ARHGAP19: variants seen among roughly 807,000 people sequenced by gnomAD.
The protein encoded by ARHGAP19 is Rho GTPase activating protein 19.
A neutral mutation model predicts 60.9 loss-of-function variants in ARHGAP19; 48 were observed. The observed-to-expected ratio is 0.79, with a 90% confidence interval of 0.62 to 1.00. The LOEUF is 1.00. ARHGAP19 is among the 50% of genes least tolerant of loss of function. ARHGAP19 has a pLI of 0.00. For synonymous variants in ARHGAP19, 209 were observed against 215.5 expected, an observed-to-expected ratio of 0.97 and a Z score of 0.27; for missense variants, 562 against 597.2, an observed-to-expected ratio of 0.94 and a Z score of 0.61.
chr10:97,281,219 CAAAAA>C (rs56674405), intron 1 of ARHGAP19, among the ~76,000 whole-genome samples: 256 of 131,616 alleles, frequency 1.9e-3, no homozygotes, highest in Middle Eastern at 3.7e-3. Flanking sequence ...TCTGTCACTA[CAAAAA>C]AAAAAAAAAA....
intron 1 of ARHGAP19, among the ~76,000 whole-genome samples, chr10:97,266,416 A>G (rs1842899664): frequency 6.6e-6 from 1 of 152,190 alleles, no homozygotes; most frequent in Non-Finnish European, 1.5e-5. Context: ...CCCATTCGTC[A>G]TCATCTAAGT....
chr10:97,263,737 G>C, intron 3 of ARHGAP19, 108 bp from the exon 4 acceptor site: 1 of 1,149,146 alleles, frequency 8.7e-7, no homozygotes, highest in East Asian at 2.5e-5. Flanking sequence ...CCTTCACAAA[G>C]CCTTTCAAGT....
At chr10:97,258,244 G>A (rs1842781964) in intron 5 of ARHGAP19, among the ~76,000 whole-genome samples, 1 of 152,066 alleles carries the variant, frequency 6.6e-6, no homozygotes, top group Non-Finnish European at 1.5e-5. Context: ...AAAGGTAAAA[G>A]GCCAGGCGCG....
At chr10:97,271,029 T>A (rs890655061) in intron 1 of ARHGAP19, among the ~76,000 whole-genome samples, 3 of 152,016 alleles carry the variant, frequency 2.0e-5, no homozygotes, top group Non-Finnish European at 2.9e-5. Context: ...GATCTAAATA[T>A]GAAAAGCCAA....
chr10:97,230,736 C>T (rs1850992528), intron 9 of ARHGAP19, among the ~76,000 whole-genome samples: 1 of 152,022 alleles, frequency 6.6e-6, no homozygotes, highest in African/African-American at 2.4e-5. Context: ...GCTAGATGGT[C>T]AATTATACCT....
At chr10:97,256,491 A>C (rs1172949526) in intron 5 of ARHGAP19, 87 bp from the exon 6 acceptor site, 1 of 982,566 alleles carries the variant, frequency 1.0e-6, no homozygotes, top group Non-Finnish European at 1.6e-6. Flanking sequence ...AAATGTATGA[A>C]GTTTCTATCC....
intron 8 of ARHGAP19, among the ~76,000 whole-genome samples, chr10:97,239,548 GAGGGTGTGTGTGT>G (rs1842439126): frequency 3.6e-5 from 4 of 110,200 alleles, no homozygotes; most frequent in Non-Finnish European, 1.8e-5. Flanking sequence ...GAGAGAGAGA[GAGGGTGTGTGTGT>G]GTGTGTGTGT....
intron 8 of ARHGAP19, among the ~76,000 whole-genome samples, chr10:97,239,618 G>T (rs1842445981): frequency 6.8e-6 from 1 of 147,556 alleles, no homozygotes; most frequent in Non-Finnish European, 1.5e-5. Context: ...ATGTAGTGTG[G>T]CACCCTGGAT....
intron 4 of ARHGAP19, among the ~76,000 whole-genome samples, chr10:97,260,026 G>A (rs759099562): frequency 6.3e-4 from 95 of 151,380 alleles, no homozygotes; most frequent in Middle Eastern, 3.4e-3. Context: ...TAGTAGAGGC[G>A]GGGTTTCACC....
intron 1 of ARHGAP19, among the ~76,000 whole-genome samples, chr10:97,274,603 A>G (rs905219734): frequency 1.3e-5 from 2 of 152,204 alleles, no homozygotes; most frequent in African/African-American, 4.8e-5. Context: ...AAGAATACTG[A>G]TTATATTATT....
At chr10:97,235,154 G>A in intron 9 of ARHGAP19, 63 bp downstream of exon 9, 7 of 1,478,386 alleles carry the variant, frequency 4.7e-6, no homozygotes, top group Non-Finnish European at 6.5e-6. Flanking sequence ...TTATGCATAA[G>A]AAAAATCACA....
At chr10:97,242,503 T>TTTTTG (rs1360640641) in intron 8 of ARHGAP19, among the ~76,000 whole-genome samples, 7 of 151,748 alleles carry the variant, frequency 4.6e-5, no homozygotes, top group Admixed American at 1.3e-4. Context: ...CCGGCTAATT[T>TTTTTG]TTTTGTTTTG....
Position 97,281,655 on chromosome 10 carries a change from G to A in ARHGAP19, c.56+10917C>T, listed in dbSNP as rs563368078. On this transcript the variant is annotated intron_variant, in intron 1 of 11. Transcript: ENST00000358531. ...AACTAAGGTAAGTCTCTGGCCTCCA[G>A]GAACTGAAAATTCACTAAGTGCTAC... 1.0e-3 allele frequency among the ~76,000 whole-genome samples: 157 copies of A among 152,282 alleles called. 3 individuals carry two copies. The South Asian group carries it at 0.029, about 28-fold the overall frequency.
intron 1 of ARHGAP19, among the ~76,000 whole-genome samples, chr10:97,285,301 T>C: frequency 6.6e-6 from 1 of 152,252 alleles, no homozygotes; most frequent in Middle Eastern, 3.4e-3. Flanking sequence ...GATAAACTGT[T>C]ATGTTTTTTA....
chr10:97,273,484 CTTTTTTTTTTTTTT>C (rs11442502), intron 1 of ARHGAP19, among the ~76,000 whole-genome samples: 1 of 92,498 alleles, frequency 1.1e-5, no homozygotes, highest in South Asian at 4.1e-4. Context: ...TTTCTGCTCT[CTTTTTTTTTTTTTT>C]TTTTTTTTGA....
At chr10:97,275,640 C>T (rs1200208486) in intron 1 of ARHGAP19, among the ~76,000 whole-genome samples, 4 of 7,252 alleles carry the variant, frequency 5.5e-4, no homozygotes, top group African/African-American at 1.3e-3. Flanking sequence ...CCACCCCGTC[C>T]GGGAGGGAGG....
chr10:97,273,001 T>C (rs1319665704), intron 1 of ARHGAP19, among the ~76,000 whole-genome samples: 2 of 150,594 alleles, frequency 1.3e-5, no homozygotes, highest in Non-Finnish European at 3.0e-5. Context: ...CCACCACGCC[T>C]GGCTAATTTT....
intron 6 of ARHGAP19, among the ~76,000 whole-genome samples, chr10:97,253,772 T>C (rs1842720523): frequency 1.3e-5 from 2 of 152,206 alleles, no homozygotes; most frequent in South Asian, 2.1e-4. Context: ...TGTACAAATA[T>C]TATGTGTCAA....
At chr10:97,247,178 G>A (rs1472878328) in intron 6 of ARHGAP19, among the ~76,000 whole-genome samples, 1 of 151,802 alleles carries the variant, frequency 6.6e-6, no homozygotes, top group Non-Finnish European at 1.5e-5. Context: ...GGGCATGGTG[G>A]TGCATGCCTG....
Sources: gnomAD v4.1 joint callset for allele counts (sites outside exome capture counted in the v4.1 genomes callset) on GRCh38, gnomAD v4.1.1 for gene constraint, MANE v1.5 for transcripts, NCBI Gene and HGNC (gene_info 2026-07-23, HGNC 2026-07-21) for gene names.